RIC3: variants seen among roughly 807,000 people sequenced by gnomAD.
RIC3 encodes RIC3 acetylcholine receptor chaperone, also known as protein RIC-3.
RIC3 carries 28 observed loss-of-function variants against 27.3 expected under a neutral mutation model. That is an observed-to-expected ratio of 1.02 (90% CI 0.76 to 1.41). RIC3 has a LOEUF of 1.41. Among genes scored for constraint, RIC3 ranks in the 40% most tolerant of loss-of-function variants. The pLI, the probability that RIC3 is intolerant of heterozygous loss-of-function variation, is 0.00. For missense variants in RIC3, 501 were observed against 444.7 expected, an observed-to-expected ratio of 1.13 and a Z score of -1.14; for synonymous variants, 184 against 160.4, an observed-to-expected ratio of 1.15 and a Z score of -1.11.
At chr11:8,111,943 C>T (rs545297064) in intron 5 of RIC3, among the ~76,000 whole-genome samples, 2 of 152,344 alleles carry the variant, frequency 1.3e-5, no homozygotes, top group East Asian at 3.9e-4. Context: ...CTGGCACCAG[C>T]GGCCGTAATC....
chr11:8,096,217 G>A, the RIC3 span, among the ~76,000 whole-genome samples: 129 of 152,332 alleles, frequency 8.5e-4, 1 homozygote, highest in African/African-American at 3.0e-3. Context: ...GAGTCAGTGG[G>A]TCCCCTCCAC....
intron 2 of RIC3, chr11:8,139,127 C>T (rs1948751519): frequency 6.6e-6 from 1 of 152,078 alleles, no homozygotes; most frequent in African/African-American, 2.4e-5. Context: ...ATTTCTAACA[C>T]AAGGGAAAAA....
downstream of RIC3, chr11:8,102,600 T>TCCTC (rs1247824254): frequency 2.6e-5 from 4 of 151,472 alleles, no homozygotes; most frequent in Non-Finnish European, 5.9e-5. Context: ...GAAGAATCTC[T>TCCTC]CCTCTCTCTC....
intron 5 of RIC3, among the ~76,000 whole-genome samples, chr11:8,112,947 T>C (rs1467638351): frequency 6.6e-6 from 1 of 152,252 alleles, no homozygotes; most frequent in East Asian, 1.9e-4. Flanking sequence ...GCCTTTTTTA[T>C]ACTGTGCCAA....
At chr11:8,131,657 T>C (rs956978643) in intron 4 of RIC3, among the ~76,000 whole-genome samples, 11 of 152,024 alleles carry the variant, frequency 7.2e-5, no homozygotes, top group African/African-American at 2.7e-4. Context: ...TCCCAGCACT[T>C]TGGGAGGCCA....
chr11:8,164,824 T>C (rs1951532737), intron 1 of RIC3, among the ~76,000 whole-genome samples: 1 of 149,670 alleles, frequency 6.7e-6, no homozygotes, highest in Admixed American at 6.7e-5. Context: ...TAATCTGACT[T>C]TTAAAGAGGG....
the RIC3 span, chr11:8,095,354 A>G: frequency 5.2e-6 from 4 of 767,454 alleles, no homozygotes; most frequent in Middle Eastern, 1.6e-3. Context: ...TGGTGCAATC[A>G]TTAGTTTTAT....
intron 1 of RIC3, among the ~76,000 whole-genome samples, chr11:8,168,260 A>G (rs1175079773): frequency 2.6e-5 from 4 of 152,210 alleles, no homozygotes. Context: ...AAGAATTAAC[A>G]GATAAATACT....
intron 5 of RIC3, among the ~76,000 whole-genome samples, chr11:8,124,448 C>T (rs1255046750): frequency 1.3e-5 from 2 of 152,176 alleles, no homozygotes; most frequent in East Asian, 1.9e-4. Context: ...AATATCGTTA[C>T]AGTATTGATT....
chr11:8,151,546 A>G (rs1590332981), intron 1 of RIC3, among the ~76,000 whole-genome samples: 1 of 132,290 alleles, frequency 7.6e-6, no homozygotes, highest in African/African-American at 3.2e-5. Flanking sequence ...AGATCGCGCC[A>G]CTGCACTCCA....
At chr11:8,099,520 C>A in the RIC3 span, among the ~76,000 whole-genome samples, 1 of 152,150 alleles carries the variant, frequency 6.6e-6, no homozygotes, top group African/African-American at 2.4e-5. Flanking sequence ...GGGGAGGCAG[C>A]CTGAGTCTTC....
intron 5 of RIC3, among the ~76,000 whole-genome samples, chr11:8,124,584 G>A (rs755456863): frequency 6.6e-6 from 1 of 151,772 alleles, no homozygotes; most frequent in African/African-American, 2.4e-5. Context: ...AATAATCTTG[G>A]GAAAAAAAAT....
At chr11:8,103,923 T>G (rs543952300), downstream of RIC3, 2 of 151,916 alleles carry the variant, frequency 1.3e-5, no homozygotes, top group East Asian at 3.9e-4. Flanking sequence ...AAAGAGGGAG[T>G]TGGCTGGATC....
the RIC3 span, among the ~76,000 whole-genome samples, chr11:8,095,958 A>G: frequency 6.6e-5 from 10 of 152,214 alleles, no homozygotes; most frequent in African/African-American, 2.4e-4. Context: ...GGGCCAGGAT[A>G]CCAAGAGACG....
chr11:8,093,658 G>A, the RIC3 span, among the ~76,000 whole-genome samples: 2 of 152,174 alleles, frequency 1.3e-5, no homozygotes, highest in Non-Finnish European at 2.9e-5. Context: ...GTCTCTTCCA[G>A]AAGATGCAGC....
rs370798694 is a variant in RIC3 at position 8,121,880 on chromosome 11, A to T, written c.670+4779T>A. On this transcript the variant is annotated intron_variant, in intron 5 of 5. Coordinates refer to ENST00000309737, the MANE Select transcript of RIC3 (RefSeq NM_001206671.4). ...TTCCCTTAGAATTTGTGTTGCTTTT[A>T]AAAAAATTAACCTTTTTTATTTTGA... is the stretch of plus-strand genomic sequence containing the variant. Among the ~76,000 whole-genome samples, 601 of 152,178 alleles carry T rather than the reference A, an allele frequency of 3.9e-3. 4 individuals are homozygous for T. The highest frequency in any genetic ancestry group is 0.013 in the African/African-American group (560 of 41,508).
chr11:8,104,932 T>TG (rs1337007283), downstream of RIC3: 2 of 149,958 alleles, frequency 1.3e-5, no homozygotes, highest in Non-Finnish European at 3.0e-5. Context: ...AGAAGGTTGT[T>TG]TTTTTTTTTT....
At chr11:8,138,524 A>G in intron 2 of RIC3, 177 bp from the exon 3 acceptor site, 1 of 526,548 alleles carries the variant, frequency 1.9e-6, no homozygotes, top group Non-Finnish European at 3.3e-6. Flanking sequence ...GAGGTTTCCA[A>G]GTAAAAAATT....
intron 4 of RIC3, among the ~76,000 whole-genome samples, chr11:8,131,421 G>A (rs1947687495): frequency 6.6e-6 from 1 of 152,156 alleles, no homozygotes; most frequent in Non-Finnish European, 1.5e-5. Flanking sequence ...AGGTTCAGTT[G>A]GGGGATAGAT....
Sources: allele counts gnomAD v4.1 joint callset (sites outside exome capture counted in the v4.1 genomes callset), GRCh38; gene constraint gnomAD v4.1.1; transcripts MANE v1.5; gene names NCBI Gene and HGNC (gene_info 2026-07-23, HGNC 2026-07-21).